The following ITGA2 variants were observed in gnomAD, a reference collection of about 807,000 sequenced individuals.
ITGA2 encodes the protein integrin alpha-2.
A neutral mutation model predicts 146.3 loss-of-function variants in ITGA2; 101 were observed. The ratio of observed to expected loss-of-function variants is 0.69; its 90% confidence interval spans 0.59 to 0.81. The LOEUF is 0.81. Ranked by LOEUF, ITGA2 falls within the 40% of genes least tolerant of loss-of-function variation. ITGA2 has a pLI of 0.00. For synonymous variants in ITGA2, 477 were observed against 487.1 expected, an observed-to-expected ratio of 0.98 and a Z score of 0.27; for missense variants, 1,281 against 1,402.7, an observed-to-expected ratio of 0.91 and a Z score of 1.39.
intron 6 of ITGA2, among the ~76,000 whole-genome samples, chr5:53,049,787 A>G (rs1196287369): frequency 6.6e-6 from 1 of 152,054 alleles, no homozygotes; most frequent in Non-Finnish European, 1.5e-5. Flanking sequence ...GGACCAGTTC[A>G]CTGTTACCAG....
chr5:53,021,772 C>G (rs1458144822), intron 1 of ITGA2, among the ~76,000 whole-genome samples: 12 of 152,174 alleles, frequency 7.9e-5, no homozygotes, highest in African/African-American at 2.2e-4. Context: ...GACATTGTTC[C>G]CCCTAGAAGT....
chr5:53,078,711 T>C, intron 23 of ITGA2, 61 bp from the exon 24 acceptor site: 2 of 946,884 alleles, frequency 2.1e-6, no homozygotes, highest in South Asian at 2.7e-5. Flanking sequence ...ATAAAAGAAA[T>C]ATTAACCTTC....
chr5:53,020,424 G>T (rs1051037348), intron 1 of ITGA2, among the ~76,000 whole-genome samples: 2 of 152,098 alleles, frequency 1.3e-5, no homozygotes, highest in African/African-American at 4.8e-5. Flanking sequence ...TAAGTCTATA[G>T]GCATAAATGT....
chr5:53,015,119 A>T (rs113170799), intron 1 of ITGA2, among the ~76,000 whole-genome samples: 13 of 151,540 alleles, frequency 8.6e-5, no homozygotes, highest in African/African-American at 3.1e-4. Flanking sequence ...GATTTTGGTT[A>T]TATGTTGCTT....
intron 2 of ITGA2, among the ~76,000 whole-genome samples, chr5:53,040,614 T>A (rs1292173660): frequency 3.9e-5 from 6 of 152,194 alleles, no homozygotes. Flanking sequence ...AAAAGGTAAA[T>A]TATGGTAAAT....
intron 24 of ITGA2, among the ~76,000 whole-genome samples, chr5:53,079,818 T>C (rs969941300): frequency 1.3e-5 from 2 of 152,142 alleles, no homozygotes; most frequent in African/African-American, 4.8e-5. Context: ...GTGCTTTACA[T>C]ATGTTATCCC....
intron 16 of ITGA2, among the ~76,000 whole-genome samples, chr5:53,068,860 T>C (rs1323323881): frequency 1.3e-5 from 2 of 151,584 alleles, no homozygotes; most frequent in Non-Finnish European, 3.0e-5. Context: ...ATCATTTTTA[T>C]AAAGCTGCTT....
intron 4 of ITGA2, among the ~76,000 whole-genome samples, chr5:53,046,020 A>G (rs10940290): frequency 0.27 from 41,531 of 151,354 alleles, 5,766 homozygotes; most frequent in Admixed American, 0.32. Context: ...GTGAAACCCC[A>G]TCTCTCCTAA....
At chr5:53,038,312 T>C (rs1285984722) in intron 2 of ITGA2, among the ~76,000 whole-genome samples, 1 of 152,118 alleles carries the variant, frequency 6.6e-6, no homozygotes, top group Non-Finnish European at 1.5e-5. Flanking sequence ...ATGTGCATAA[T>C]AGAATCACCT....
intron 1 of ITGA2, among the ~76,000 whole-genome samples, chr5:52,990,586 T>TACAAAGA (rs1740901314): frequency 7.6e-6 from 1 of 131,542 alleles, no homozygotes; most frequent in Admixed American, 7.9e-5. Flanking sequence ...TTTTTTTTTT[T>TACAAAGA]ACAAAGAAGA....
intron 2 of ITGA2, among the ~76,000 whole-genome samples, chr5:53,035,302 G>A (rs895483146): frequency 1.3e-5 from 2 of 152,220 alleles, no homozygotes; most frequent in Admixed American, 6.5e-5. Context: ...AAAACTGCAT[G>A]TCGGATGAGA....
At chr5:53,006,828 TA>T (rs1047609972) in intron 1 of ITGA2, among the ~76,000 whole-genome samples, 1 of 152,214 alleles carries the variant, frequency 6.6e-6, no homozygotes, top group Non-Finnish European at 1.5e-5. Context: ...GTCTCTTTTC[TA>T]TCCTAACACA....
chr5:53,083,205 C>A, intron 26 of ITGA2, 135 bp from the exon 27 acceptor site: 1 of 678,940 alleles, frequency 1.5e-6, no homozygotes. Flanking sequence ...GTTAGAACTA[C>A]TAATAGCTCA....
intron 3 of ITGA2, among the ~76,000 whole-genome samples, chr5:53,043,011 A>AT: frequency 6.6e-6 from 1 of 152,282 alleles, no homozygotes. Flanking sequence ...TAGACCTAAT[A>AT]TCTAGAATAA....
intron 6 of ITGA2, among the ~76,000 whole-genome samples, chr5:53,050,434 C>T (rs891304838): frequency 2.6e-5 from 4 of 152,126 alleles, no homozygotes; most frequent in Non-Finnish European, 4.4e-5. Context: ...TTCTTTCCTC[C>T]CTCTCAAGTC....
intron 6 of ITGA2, among the ~76,000 whole-genome samples, chr5:53,050,502 C>T (rs1253945138): frequency 6.6e-6 from 1 of 152,160 alleles, no homozygotes; most frequent in Non-Finnish European, 1.5e-5. Flanking sequence ...CTTCCCAGTG[C>T]CTAGCTCACT....
intron 28 of ITGA2, 46 bp from the exon 29 acceptor site, chr5:53,089,900 T>A (rs754563843): frequency 4.4e-6 from 5 of 1,142,658 alleles, no homozygotes; most frequent in Non-Finnish European, 1.3e-6. Flanking sequence ...ATCTCCCCCC[T>A]TTTTTGTGGT....
intron 1 of ITGA2, among the ~76,000 whole-genome samples, chr5:53,009,587 G>C (rs1742022474): frequency 6.6e-6 from 1 of 152,096 alleles, no homozygotes; most frequent in Non-Finnish European, 1.5e-5. Flanking sequence ...ATAGTAAATT[G>C]TGAGAGGAAA....
chr5:53,033,321 A>G (rs1743325858), intron 2 of ITGA2, among the ~76,000 whole-genome samples: 2 of 152,002 alleles, frequency 1.3e-5, no homozygotes, highest in Non-Finnish European at 2.9e-5. Context: ...ACCAATTCTC[A>G]TCTGTCATGG....
Sources: gnomAD v4.1 joint callset for allele counts (sites outside exome capture counted in the v4.1 genomes callset) on GRCh38, gnomAD v4.1.1 for gene constraint, MANE v1.5 for transcripts, NCBI Gene and HGNC (gene_info 2026-07-23, HGNC 2026-07-21) for gene names.